Variants in FANCM observed in about 807,000 individuals in gnomAD.
The protein encoded by FANCM is Fanconi anemia group M protein.
Under a neutral mutation model 199.5 loss-of-function variants are expected in FANCM, and 140 were observed. The observed-to-expected ratio is 0.70, with a 90% CI of 0.61 to 0.81. The LOEUF (loss-of-function observed/expected upper bound fraction) is 0.81, where lower values mean the gene tolerates loss of function less well. Among genes scored for constraint, FANCM ranks in the 30% least tolerant of loss-of-function variants. FANCM has a pLI of 0.00. For synonymous variants in FANCM, 840 were observed against 836.8 expected (o/e 1.00, Z -0.07); for missense variants, 2,410 against 2,421.4 (o/e 1.00, Z 0.10).
chr14:45,156,841 C>T (rs1887223875), intron 8 of FANCM, among the ~76,000 whole-genome samples: 1 of 146,616 alleles, frequency 6.8e-6, no homozygotes, highest in Admixed American at 6.9e-5. Context: ...TCTCTTGAAC[C>T]TGGGAGACGG....
At chr14:45,188,511 A>T (rs2139294318) in intron 19 of FANCM, among the ~76,000 whole-genome samples, 1 of 152,190 alleles carries the variant, frequency 6.6e-6, no homozygotes, top group Non-Finnish European at 1.5e-5. Context: ...TACTCTCTGT[A>T]CTTCCATTGT....
chr14:45,176,975 A>T lies in FANCM; in HGVS notation c.4221A>T (p.Glu1407Asp). Residue 1407 changes from glutamate to aspartate, a missense_variant and splice_region_variant, in exon 14 of 23, where the codon GAA (glutamate) becomes GAT (aspartate). Glu to Asp is a conservative substitution (Grantham distance 45, BLOSUM62 2). Transcript: ENST00000267430. ...TGCATAAATCCTGTCATTCTGTTGA[A>T]GGTAAGATTCCATCTTTATAAAGTC... ...MYLHKSCHSV[E>D]DGQLLTSNES... 6.5e-7 allele frequency: 1 copy of T among 1,546,458 alleles called. No individual in the cohort carries two copies. Among genetic ancestry groups the T allele is most frequent in the Non-Finnish European group, 8.9e-7 (1 of 1,119,464 alleles).
At chr14:45,182,142 A>T (rs1594806529) in intron 16 of FANCM, among the ~76,000 whole-genome samples, 1 of 152,330 alleles carries the variant, frequency 6.6e-6, no homozygotes, top group East Asian at 1.9e-4. Context: ...TTAAGCCCTT[A>T]ACCTCGATCT....
chr14:45,137,184 A>G lies in FANCM; in HGVS notation c.624A>G (p.Ile208Met), dbSNP rs45547534. 0.014 allele frequency: 22,878 copies of G among 1,613,676 alleles called. 194 individuals carry two copies. Among genetic ancestry groups the G allele is most frequent in the Non-Finnish European group, 0.017 (19,998 of 1,179,854 alleles). The part of the protein sequence containing the change: ...LSRGACPAAE[I>M]KCLVIDEAHK... ...GAGGAGCTTGTCCCGCTGCTGAAAT[A>G]AAGTGTTTAGTTATTGATGAAGCTC... Residue 208 changes from isoleucine to methionine, a missense_variant, in exon 2 of 23, where the codon ATA (isoleucine) becomes ATG (methionine). Transcript: ENST00000267430.
Position 45,159,243 on chromosome 14 carries a change from A to C in FANCM, c.1544A>C (p.Lys515Thr). The C allele has an allele frequency of 6.2e-7, 1 of 1,613,842 alleles. No individual in the cohort carries two copies. The highest frequency in any genetic ancestry group is 8.5e-7 in the Non-Finnish European group (1 of 1,179,816). ...ACTTTTGTCGGCCATGCCTCAGGGA[A>C]AAGCACGAAGGGTTTTACCCAGAAG... is the stretch of plus-strand genomic sequence containing the variant. ...VMTFVGHASG[K>T]STKGFTQKEQ... The change falls in exon 9 of 23, where the codon AAA becomes ACA. Residue 515 changes from lysine to threonine, a missense_variant. Coordinates refer to ENST00000267430, the MANE Select transcript of FANCM (RefSeq NM_020937.4).
At position 45,167,325 on chromosome 14, in the gene FANCM, A is replaced by G; in HGVS notation, c.2002+162A>G. The G allele has an allele frequency of 4.7e-6, 3 of 632,576 alleles. No homozygotes were observed. In the East Asian group the frequency reaches 8.5e-5, roughly 18 times the overall value. The allele number at this position is 632,576 out of a possible 1,614,324, so 39.2% of individuals were successfully genotyped here. ...GGCTGTACGAGATTATTCATGTGGC[A>G]AATGGAGAGACACTGGTAGTATAGA... On this transcript the variant is annotated intron_variant, in intron 11 of 22. Coordinates refer to ENST00000267430, the MANE Select transcript of FANCM (RefSeq NM_020937.4).
intron 9 of FANCM, among the ~76,000 whole-genome samples, chr14:45,160,397 A>G (rs1783451417): frequency 1.3e-5 from 2 of 149,010 alleles, no homozygotes; most frequent in South Asian, 4.2e-4. Flanking sequence ...ATCTCGAGTC[A>G]CTGAAACCTC....
intron 11 of FANCM, 49 bp from the exon 12 acceptor site, chr14:45,170,540 T>C: frequency 7.1e-7 from 1 of 1,415,506 alleles, no homozygotes; most frequent in Non-Finnish European, 9.9e-7. Context: ...GTTTTTTTGC[T>C]TTGCAGATTT....
intron 18 of FANCM, 40 bp downstream of exon 18, chr14:45,185,413 T>C: frequency 2.5e-6 from 3 of 1,185,250 alleles, no homozygotes; most frequent in Non-Finnish European, 3.6e-6. Context: ...TTTCAATGTT[T>C]TTATGTGCTT....
rs1885519728 is a variant in FANCM at position 45,136,490 on chromosome 14, T to G, written c.459T>G (p.Ala153=). The G allele has an allele frequency of 6.2e-7, 1 of 1,614,020 alleles. No individual in the cohort carries two copies. The highest frequency in any genetic ancestry group is 8.5e-7 in the Non-Finnish European group (1 of 1,180,004). The change falls in exon 1 of 23, where the codon GCT becomes GCG. Residue 153 remains alanine (A), a synonymous_variant. Coordinates refer to ENST00000267430, the MANE Select transcript of FANCM (RefSeq NM_020937.4). ...TKPLVTQQIE[A]CYQVMGIPQS... is the part of the protein sequence containing the mutation. ...CCTTGGTGACACAGCAGATCGAGGC[T>G]TGCTACCAGGTGATGGGTATCCCGC...
intron 3 of FANCM, among the ~76,000 whole-genome samples, chr14:45,147,071 G>C (rs1469957583): frequency 2.0e-5 from 3 of 152,066 alleles, no homozygotes; most frequent in Non-Finnish European, 4.4e-5. Flanking sequence ...TGGCATGTGG[G>C]AGTTACTCAT....
chr14:45,193,604 G>A (rs949944816), intron 20 of FANCM, among the ~76,000 whole-genome samples: 2 of 152,144 alleles, frequency 1.3e-5, no homozygotes, highest in African/African-American at 4.8e-5. Flanking sequence ...GTGGTGCATG[G>A]CTATCTTGCT....
rs1417292588 is a variant in FANCM at position 45,170,779 on chromosome 14, C to T, written c.2160+33C>T. ...GAATATATTTTCAGATGTTCTTTTC[C>T]CCCCCCTCATTTTAATGCCAGAACC... On this transcript the variant is annotated intron_variant, in intron 12 of 22. Transcript: ENST00000267430. The T allele has an allele frequency of 2.5e-6, 4 of 1,578,938 alleles. No individual in the cohort carries two copies. In the African/African-American group the frequency reaches 4.1e-5, roughly 16 times the overall value.
chr14:45,148,288 TTTAA>T (rs1181650453), intron 3 of FANCM, among the ~76,000 whole-genome samples: 7 of 152,018 alleles, frequency 4.6e-5, no homozygotes, highest in African/African-American at 1.7e-4. Context: ...TTTTTTTCTT[TTTAA>T]TTGTTAATCG....
rs1566775974 is a variant in FANCM at position 45,183,908 on chromosome 14, C to CA, written c.4515+6_4515+7insA. The CA allele has an allele frequency of 6.2e-7, 1 of 1,602,438 alleles. No homozygotes were observed. The highest frequency in any genetic ancestry group is 8.5e-7 in the Non-Finnish European group (1 of 1,171,138). ...AGAGACAGAGTCACTTAAAGGTAAT[C>CA]TTTTTTTTAGTTTCTTTAAATATGT... On this transcript the variant is annotated splice_region_variant and intron_variant, in intron 17 of 22. Coordinates refer to ENST00000267430, the MANE Select transcript of FANCM (RefSeq NM_020937.4).
intron 3 of FANCM, 132 bp downstream of exon 3, chr14:45,140,841 G>T: frequency 1.4e-6 from 1 of 702,144 alleles, no homozygotes. Flanking sequence ...AGGAATTCCA[G>T]ACCAGCCTGG....
At chr14:45,159,591 A>G (rs1035804736) in intron 9 of FANCM, among the ~76,000 whole-genome samples, 1 of 152,144 alleles carries the variant, frequency 6.6e-6, no homozygotes, top group African/African-American at 2.4e-5. Flanking sequence ...AGTTTTCCTT[A>G]TCTGTAAACA....
At chr14:45,144,037 CTT>C (rs530135793) in intron 3 of FANCM, among the ~76,000 whole-genome samples, 3 of 146,876 alleles carry the variant, frequency 2.0e-5, no homozygotes, top group African/African-American at 7.4e-5. Flanking sequence ...CCTTTTAAAA[CTT>C]TTTTTTTTTA....
In FANCM at chr14:45,140,613, GA is replaced by G. The variant is rs1885844410; in HGVS notation, c.682-17del. On this transcript the variant is annotated intron_variant, in intron 2 of 22. Coordinates refer to ENST00000267430, the MANE Select transcript of FANCM (RefSeq NM_020937.4). ...TTTGCATTGAACAGATGAAACTAAA[GA>G]ACTTTTTTTTTCTTAAGGTTGTAAG... 1 of 1,432,198 alleles carries G rather than the reference GA, an allele frequency of 7.0e-7. No homozygotes were observed. Among genetic ancestry groups the G allele is most frequent in the Non-Finnish European group, 9.8e-7 (1 of 1,017,970 alleles). 88.7% of individuals were successfully genotyped at this position (1,432,198 alleles called of 1,614,324 possible).
Sources: allele counts gnomAD v4.1 joint callset (sites outside exome capture counted in the v4.1 genomes callset), GRCh38; gene constraint gnomAD v4.1.1; transcripts MANE v1.5; gene names NCBI Gene and HGNC (gene_info 2026-07-23, HGNC 2026-07-21).